The following MCTP2 variants were observed in gnomAD, a reference collection of about 807,000 sequenced individuals.
The protein encoded by MCTP2 is multiple C2 and transmembrane domain-containing protein 2.
In MCTP2, 132 loss-of-function variants were observed where a neutral mutation model predicts 111.6. That is an observed-to-expected ratio of 1.18 (90% CI 1.03 to 1.37). The LOEUF is 1.37. MCTP2 is among the 40% of genes most tolerant of loss of function. The pLI is 0.00. For synonymous variants in MCTP2, 395 were observed against 387.7 expected (o/e 1.02, Z -0.22); for missense variants, 1,183 against 1,067.9 (o/e 1.11, Z -1.50).
At chr15:94,413,002 C>A (rs181807306) in intron 17 of MCTP2, among the ~76,000 whole-genome samples, 2 of 152,090 alleles carry the variant, frequency 1.3e-5, no homozygotes, top group Non-Finnish European at 1.5e-5. Flanking sequence ...TTTTGATAAT[C>A]TACATGTTTT....
At chr15:94,243,111 G>C (rs1367841377) in intron 1 of MCTP2, among the ~76,000 whole-genome samples, 1 of 141,446 alleles carries the variant, frequency 7.1e-6, no homozygotes, top group Admixed American at 7.1e-5. Context: ...GTATCTACGG[G>C]TGTGTATATA....
chr15:94,257,394 A>G (rs1465361861), intron 1 of MCTP2, among the ~76,000 whole-genome samples: 1 of 151,950 alleles, frequency 6.6e-6, no homozygotes, highest in East Asian at 1.9e-4. Flanking sequence ...GAAAGGAGGA[A>G]TTTTGAGGGT....
intron 1 of MCTP2, among the ~76,000 whole-genome samples, chr15:94,245,273 T>C (rs979972520): frequency 2.2e-5 from 3 of 137,082 alleles, no homozygotes; most frequent in Non-Finnish European, 3.3e-5. Flanking sequence ...TATGTGTATA[T>C]ACGTATATAC....
intron 17 of MCTP2, among the ~76,000 whole-genome samples, chr15:94,419,793 C>T (rs2082542564): frequency 6.6e-6 from 1 of 150,526 alleles, no homozygotes; most frequent in South Asian, 2.1e-4. Context: ...TTTGTGCAAA[C>T]CTGCATCTAA....
chr15:94,236,299 T>G (rs1458327768), intron 1 of MCTP2, among the ~76,000 whole-genome samples: 1 of 151,318 alleles, frequency 6.6e-6, no homozygotes, highest in African/African-American at 2.4e-5. Flanking sequence ...TCAGAAGAGC[T>G]GTGCCTTGTC....
At chr15:94,356,326 A>G (rs1280214439) in intron 9 of MCTP2, 25 bp downstream of exon 9, 1 of 1,510,858 alleles carries the variant, frequency 6.6e-7, no homozygotes, top group Non-Finnish European at 8.8e-7. Flanking sequence ...TTCCATAAGG[A>G]GAACAGTATC....
intron 17 of MCTP2, among the ~76,000 whole-genome samples, chr15:94,439,694 C>T (rs1311651941): frequency 6.6e-6 from 1 of 152,132 alleles, no homozygotes; most frequent in African/African-American, 2.4e-5. Context: ...CAATCATTTT[C>T]TTGTGTCCAT....
At chr15:94,364,188 T>C (rs187493455) in intron 10 of MCTP2, among the ~76,000 whole-genome samples, 1 of 113,356 alleles carries the variant, frequency 8.8e-6, no homozygotes, top group Non-Finnish European at 1.8e-5. Flanking sequence ...TAAATAAAGG[T>C]TTTTTTTGGG....
chr15:94,466,481 A>ATGAT (rs989917084), intron 20 of MCTP2, among the ~76,000 whole-genome samples: 4 of 152,174 alleles, frequency 2.6e-5, no homozygotes, highest in African/African-American at 4.8e-5. Flanking sequence ...ATAAACTGAA[A>ATGAT]TGATAGATTT....
intron 3 of MCTP2, chr15:94,314,637 G>C (rs889572735): frequency 1.9e-6 from 1 of 521,480 alleles, no homozygotes; most frequent in Non-Finnish European, 3.5e-6. Flanking sequence ...TCAAAAGAAG[G>C]CTGTCAAGGG....
chr15:94,248,408 A>G (rs2152261752), intron 1 of MCTP2, among the ~76,000 whole-genome samples: 1 of 152,274 alleles, frequency 6.6e-6, no homozygotes, highest in East Asian at 1.9e-4. Flanking sequence ...GGCTCAGTAG[A>G]TCCTACCTTT....
chr15:94,316,096 G>A (rs966008843), intron 4 of MCTP2, among the ~76,000 whole-genome samples: 3 of 152,076 alleles, frequency 2.0e-5, no homozygotes, highest in Non-Finnish European at 2.9e-5. Flanking sequence ...GCCTGTGATT[G>A]TTTTATTTAT....
Position 94,453,115 on chromosome 15 carries a change from T to C in MCTP2, c.2251-5022T>C, listed in dbSNP as rs935252823. ...ACTAATTATCCTCATTTTTAAACTATTGTATTTAATATTTCCACTATAACA... is the reference window on the plus strand; with the variant it reads ...ACTAATTATCCTCATTTTTAAACTACTGTATTTAATATTTCCACTATAACA... On this transcript the variant is annotated intron_variant, in intron 19 of 22. Transcript: ENST00000357742. 6.6e-5 allele frequency among the ~76,000 whole-genome samples: 10 copies of C among 152,254 alleles called. No homozygotes were observed. In the East Asian group the frequency reaches 1.2e-3, roughly 18 times the overall value.
intron 14 of MCTP2, among the ~76,000 whole-genome samples, chr15:94,396,902 C>A (rs1374844386): frequency 2.0e-5 from 3 of 152,180 alleles, no homozygotes; most frequent in Non-Finnish European, 4.4e-5. Context: ...AGATACAAAA[C>A]AAAATTGCAA....
At chr15:94,275,303 G>GA (rs1200914892) in intron 1 of MCTP2, among the ~76,000 whole-genome samples, 1 of 151,890 alleles carries the variant, frequency 6.6e-6, no homozygotes, top group East Asian at 1.9e-4. Flanking sequence ...TAAGGATTAG[G>GA]AAAAAATATA....
Position 94,282,057 on chromosome 15 carries a change from T to C in MCTP2, c.-65-16144T>C, listed in dbSNP as rs182241871. On this transcript the variant is annotated intron_variant, in intron 1 of 22. Coordinates refer to ENST00000357742, the MANE Select transcript of MCTP2 (RefSeq NM_001385001.1). ...TGTATAGTATCTTGCAGGGGTTCTA[T>C]GAATTTCCTGAGTTTGCAGGTTGAC... Among the ~76,000 whole-genome samples the C allele has an allele frequency of 5.3e-3, 803 of 152,306 alleles. 10 individuals carry two copies. The highest frequency in any genetic ancestry group is 0.02 in the Middle Eastern group (6 of 294).
rs147191004 is a variant in MCTP2 at position 94,365,279 on chromosome 15, C to A, written c.1302-2326C>A. On this transcript the variant is annotated intron_variant, in intron 10 of 22. Transcript: ENST00000357742. Reference sequence around the variant, plus strand: ...AAAGACTGTAAAATCCATTAAGCTGCTGCCTAAATCTTCAACCTGTTGCTC... The same window carrying A: ...AAAGACTGTAAAATCCATTAAGCTGATGCCTAAATCTTCAACCTGTTGCTC... 2.8e-3 allele frequency among the ~76,000 whole-genome samples: 419 copies of A among 152,308 alleles called. 2 individuals carry two copies. The highest frequency in any genetic ancestry group is 9.7e-3 in the African/African-American group (405 of 41,586).
At chr15:94,355,851 A>G (rs2078591493) in intron 8 of MCTP2, 3 of 891,942 alleles carry the variant, frequency 3.4e-6, no homozygotes, top group Non-Finnish European at 2.7e-6. Context: ...GGCCCAGTTG[A>G]AGGAGTCCCA....
Position 94,340,944 on chromosome 15 carries a change from C to A in MCTP2, c.969+20C>A. The A allele has an allele frequency of 6.9e-7, 1 of 1,441,978 alleles. No individual in the cohort carries two copies. Among genetic ancestry groups the A allele is most frequent in the Non-Finnish European group, 9.8e-7 (1 of 1,023,984 alleles). The allele number at this position is 1,441,978 out of a possible 1,614,324, so 89.3% of individuals were successfully genotyped here. ...AGACACGTAAGTGGGACCTTCTATTCTTTTGAAACCTCTCATTTTGTCGTT... is the reference window on the plus strand; with the variant it reads ...AGACACGTAAGTGGGACCTTCTATTATTTTGAAACCTCTCATTTTGTCGTT... On this transcript the variant is annotated intron_variant, in intron 7 of 22. Transcript: ENST00000357742.
Sources: gnomAD v4.1 joint callset for allele counts (sites outside exome capture counted in the v4.1 genomes callset) on GRCh38, gnomAD v4.1.1 for gene constraint, MANE v1.5 for transcripts, NCBI Gene and HGNC (gene_info 2026-07-23, HGNC 2026-07-21) for gene names.